The following UCHL5 variants were observed in gnomAD, a reference collection of about 807,000 sequenced individuals.
The protein encoded by UCHL5 is ubiquitin carboxyl-terminal hydrolase isozyme L5.
UCHL5 carries 34 observed loss-of-function variants against 53.8 expected under a neutral mutation model. That is an observed-to-expected ratio of 0.63 (90% CI 0.48 to 0.84). The LOEUF (loss-of-function observed/expected upper bound fraction) is 0.84. Among genes scored for constraint, UCHL5 ranks in the 40% least tolerant of loss-of-function variants. UCHL5 has a pLI of 0.00. For missense variants in UCHL5, 290 were observed against 385.6 expected, an observed-to-expected ratio of 0.75 and a Z score of 2.08; for synonymous variants, 111 against 126.3, an observed-to-expected ratio of 0.88 and a Z score of 0.81.
intron 3 of UCHL5, among the ~76,000 whole-genome samples, chr1:193,043,149 A>AC (rs1553255147): frequency 8.0e-5 from 5 of 62,136 alleles, no homozygotes; most frequent in Admixed American, 4.7e-4. Flanking sequence ...GCTCTTGAAT[A>AC]TTAAAAAAAA....
intron 9 of UCHL5, among the ~76,000 whole-genome samples, chr1:193,022,451 G>C (rs1253322034): frequency 6.6e-6 from 1 of 152,068 alleles, no homozygotes; most frequent in Non-Finnish European, 1.5e-5. Flanking sequence ...CTTGAGGTCA[G>C]GAGTTCAAGA....
At chr1:193,044,732 G>A (rs1226447800) in intron 3 of UCHL5, among the ~76,000 whole-genome samples, 1 of 151,940 alleles carries the variant, frequency 6.6e-6, no homozygotes, top group Non-Finnish European at 1.5e-5. Context: ...ATCCTGGATT[G>A]GAAATTATTA....
At position 193,015,823 on chromosome 1, in the gene UCHL5, T is replaced by A. The variant is rs1008478770; in HGVS notation, c.*528A>T. 5.3e-5 allele frequency: 8 copies of A among 152,166 alleles called. No individual in the cohort carries two copies. The highest frequency in any genetic ancestry group is 1.4e-4 in the African/African-American group (6 of 41,452). 9.4% of individuals were successfully genotyped at this position (152,166 alleles called of 1,614,324 possible). ...TGACAGCAGTGAAAATCACTGGAAATTATACTTTTGTCCTTTTTAAATGAT... is the reference window on the plus strand; with the variant it reads ...TGACAGCAGTGAAAATCACTGGAAAATATACTTTTGTCCTTTTTAAATGAT... On this transcript the variant is annotated 3_prime_UTR_variant, in exon 11 of 11. Coordinates refer to ENST00000367454, the MANE Select transcript of UCHL5 (RefSeq NM_001199261.3).
chr1:193,031,504 T>C (rs1215891722), intron 3 of UCHL5, among the ~76,000 whole-genome samples: 1 of 152,188 alleles, frequency 6.6e-6, no homozygotes, highest in African/African-American at 2.4e-5. Flanking sequence ...ATATTAGAAC[T>C]CATTTTGTAT....
chr1:193,023,018 G>C lies in UCHL5; in HGVS notation c.751C>G (p.Gln251Glu), dbSNP rs1302564487. Residue 251 changes from glutamine to glutamate, a missense_variant, in exon 9 of 11, where the codon CAA becomes GAA. Transcript: ENST00000367454. ...QLAEEPMDTD[Q>E]GNSMLSAIQS... ...ATAGCACTTAACATACTATTACCTT[G>C]ATCTGTATCCATGGGTTCCTCCTTG... 6.2e-7 allele frequency: 1 copy of C among 1,612,594 alleles called. No homozygotes were observed. The highest frequency in any genetic ancestry group is 8.5e-7 in the Non-Finnish European group (1 of 1,179,170).
intron 7 of UCHL5, among the ~76,000 whole-genome samples, chr1:193,027,442 C>T (rs1441353989): frequency 2.6e-5 from 4 of 152,028 alleles, no homozygotes; most frequent in South Asian, 4.1e-4. Flanking sequence ...CCCAGCACTT[C>T]GGGAGGCCAA....
chr1:193,018,851 T>C, intron 10 of UCHL5: 1 of 1,548,774 alleles, frequency 6.5e-7, no homozygotes, highest in Non-Finnish European at 8.7e-7. Context: ...GATCCACTAT[T>C]CCAACTTATC....
rs374228960 is a variant in UCHL5 at position 193,014,136 on chromosome 1, T to C, written c.*2215A>G. The C allele has an allele frequency of 8.5e-5, 13 of 152,326 alleles. No individual in the cohort carries two copies. Among genetic ancestry groups the C allele is most frequent in the East Asian group, 5.8e-4 (3 of 5,188 alleles). 9.4% of individuals were successfully genotyped at this position (152,326 alleles called of 1,614,324 possible). ...AAAAACTTTCCAAATAGCATTTATCTATTTATGGGTTGCTCTTTATTCTTC... is the reference window on the plus strand; with the variant it reads ...AAAAACTTTCCAAATAGCATTTATCCATTTATGGGTTGCTCTTTATTCTTC... On this transcript the variant is annotated 3_prime_UTR_variant, in exon 11 of 11. Transcript: ENST00000367454.
At chr1:193,036,106 A>G (rs988553833) in intron 3 of UCHL5, among the ~76,000 whole-genome samples, 3 of 151,916 alleles carry the variant, frequency 2.0e-5, no homozygotes, top group Non-Finnish European at 4.4e-5. Context: ...CCAGAAAACA[A>G]GCAACAAAAT....
rs191255499 is a variant in UCHL5 at position 193,013,980 on chromosome 1, A to T, written c.*2371T>A. The T allele has an allele frequency of 3.3e-5, 5 of 152,288 alleles. No individual in the cohort carries two copies. The highest frequency in any genetic ancestry group is 2.1e-4 in the South Asian group (1 of 4,826). The allele number at this position is 152,288 out of a possible 1,614,324, so 9.4% of individuals were successfully genotyped here. ...TTTTTGTTGATAATAACAGAAGTAC[A>T]TCCCTTAGAATTGGCTATTTTGAAG... On this transcript the variant is annotated 3_prime_UTR_variant, in exon 11 of 11. Transcript: ENST00000367454.
upstream of UCHL5, chr1:193,059,450 C>CG: frequency 5.6e-6 from 9 of 1,609,926 alleles, no homozygotes; most frequent in Non-Finnish European, 7.6e-6. The surrounding 1 kb of genome is among the most constrained non-coding windows in gnomAD (Gnocchi z 4.9). Context: ...GCTCTAGCCA[C>CG]CCTAGAGACA....
intron 3 of UCHL5, among the ~76,000 whole-genome samples, chr1:193,036,195 C>T (rs1453308881): frequency 6.6e-6 from 1 of 151,042 alleles, no homozygotes; most frequent in Non-Finnish European, 1.5e-5. Flanking sequence ...GGCATAGAGT[C>T]TCTGAGTTCA....
At chr1:193,048,565 G>A (rs566033612) in intron 3 of UCHL5, among the ~76,000 whole-genome samples, 1 of 152,302 alleles carries the variant, frequency 6.6e-6, no homozygotes, top group African/African-American at 2.4e-5. Flanking sequence ...CTTTTAAAGC[G>A]TTGACATACT....
At chr1:193,043,164 A>AAAAAAAAAAAAAAC (rs1480622502) in intron 3 of UCHL5, among the ~76,000 whole-genome samples, 4 of 148,026 alleles carry the variant, frequency 2.7e-5, no homozygotes, top group Non-Finnish European at 4.5e-5. Context: ...AAAAAAAAAA[A>AAAAAAAAAAAAAAC]AAAAAAAAAA....
In UCHL5 at chr1:193,020,212, A is replaced by C. The variant is rs894064877; in HGVS notation, c.942+885T>G. ...ATACACAAAAAACTTATTAGCTCAC[A>C]TCTCATATTATTTAGAATGTATAAC... On this transcript the variant is annotated intron_variant, in intron 10 of 10. Transcript: ENST00000367454. 1.0e-5 allele frequency: 14 copies of C among 1,398,262 alleles called. No individual in the cohort carries two copies. In the African/African-American group the frequency reaches 2.0e-4, roughly 20 times the overall value. 86.6% of individuals were successfully genotyped at this position (1,398,262 alleles called of 1,614,324 possible).
At chr1:193,050,963 ACCTT>A (rs1668855374) in intron 2 of UCHL5, among the ~76,000 whole-genome samples, 1 of 152,074 alleles carries the variant, frequency 6.6e-6, no homozygotes, top group Admixed American at 6.6e-5. Context: ...TTTTTAATTA[ACCTT>A]CCCTGATCTT....
At chr1:193,018,652 T>C in intron 10 of UCHL5, 1 of 1,259,618 alleles carries the variant, frequency 7.9e-7, no homozygotes. Context: ...AAAAAGATTT[T>C]AGGTCAAATA....
At position 193,015,651 on chromosome 1, in the gene UCHL5, T is replaced by C. The variant is rs1654782879; in HGVS notation, c.*700A>G. The C allele has an allele frequency of 6.6e-6, 1 of 152,018 alleles. No individual in the cohort carries two copies. The highest frequency in any genetic ancestry group is 1.5e-5 in the Non-Finnish European group (1 of 67,936). 9.4% of individuals were successfully genotyped at this position (152,018 alleles called of 1,614,324 possible). A position where few individuals can be genotyped will look rare whatever the true frequency, so the allele number is the denominator to read the frequency against. On this transcript the variant is annotated 3_prime_UTR_variant, in exon 11 of 11. Coordinates refer to ENST00000367454, the MANE Select transcript of UCHL5 (RefSeq NM_001199261.3). ...AGAGTAACACCAACATTCTTTAAGA[T>C]TTACAATTTCTTCTTAACCTGAAAT...
Position 193,016,394 on chromosome 1 carries a change from G to C in UCHL5, c.944C>G (p.Ala315Gly). ...TTTCTTTGCGTTCTGTTTTTCTTTT[G>C]CCTAAAAATTAAAAATAGTATGTTA... ...HQQLIPLVEK[A>G]KEKQNAKKAQ... The change falls in exon 11 of 11, where the codon GCA becomes GGA. Residue 315 changes from alanine (A) to glycine (G), a missense_variant and splice_region_variant. Physicochemically the swap from Ala to Gly is moderately conservative, Grantham distance 60. Transcript: ENST00000367454. 1 of 1,604,322 alleles carries C rather than the reference G, an allele frequency of 6.2e-7. No homozygotes were observed. The highest frequency in any genetic ancestry group is 8.5e-7 in the Non-Finnish European group (1 of 1,176,718).
Sources: gnomAD v4.1 joint callset for allele counts (sites outside exome capture counted in the v4.1 genomes callset) on GRCh38, gnomAD v4.1.1 for gene constraint, Gnocchi (gnomAD v3.1) non-coding constraint, MANE v1.5 for transcripts, NCBI Gene and HGNC (gene_info 2026-07-23, HGNC 2026-07-21) for gene names.